The following PIGV variants were observed in gnomAD, a reference collection of about 807,000 sequenced individuals.
PIGV encodes GPI alpha-1,6-mannosyltransferase 2.
Under a neutral mutation model 39.2 loss-of-function variants are expected in PIGV, and 27 were observed. That is an observed-to-expected ratio of 0.69 (90% CI 0.51 to 0.95). The LOEUF is 0.95. PIGV is among the 40% of genes least tolerant of loss of function. The pLI is 0.00. For synonymous variants in PIGV, 232 were observed against 241.7 expected (o/e 0.96, Z 0.37); for missense variants, 523 against 586.4 (o/e 0.89, Z 1.12).
chr1:26,796,118 C>CT (rs1020817409), intron 3 of PIGV, among the ~76,000 whole-genome samples: 1 of 150,978 alleles, frequency 6.6e-6, no homozygotes, highest in African/African-American at 2.4e-5. Context: ...CCTCATCCTC[C>CT]TAAAGTGCTG....
chr1:26,795,388 G>T lies in PIGV; in HGVS notation c.1200+154G>T, dbSNP rs987863115. ...AGGGTTATTCTTTATGCCAGACTCT[G>T]GGTCAGACCTCTAAGGATGAAACAT... On this transcript the variant is annotated intron_variant, in intron 3 of 3. Coordinates refer to ENST00000674202, the MANE Select transcript of PIGV (RefSeq NM_017837.4). Among the ~76,000 whole-genome samples the T allele has an allele frequency of 3.9e-5, 6 of 152,056 alleles. No homozygotes were observed. In the East Asian group the frequency reaches 5.8e-4, roughly 15 times the overall value.
chr1:26,788,422 G>C (rs992104204), intron 1 of PIGV, 154 bp downstream of exon 1: 1 of 152,362 alleles, frequency 6.6e-6, no homozygotes, highest in South Asian at 2.1e-4. Flanking sequence ...AGCCTGCGCA[G>C]GGGGTGTTAG....
At chr1:26,797,359 T>C (rs1177083857) in intron 3 of PIGV, among the ~76,000 whole-genome samples, 1 of 152,220 alleles carries the variant, frequency 6.6e-6, no homozygotes, top group East Asian at 1.9e-4. Flanking sequence ...GCTATGTTTA[T>C]TTGTAATATG....
At position 26,791,979 on chromosome 1, in the gene PIGV, A is replaced by C. The variant is rs56230251; in HGVS notation, c.78+1086A>C. ...AGCATCCAGGATAGGGAACCAGGAC[A>C]GCTGGGCTCTAATTCGGGTGGTAAT... On this transcript the variant is annotated intron_variant, in intron 2 of 3. Transcript: ENST00000674202. Among the ~76,000 whole-genome samples the C allele has an allele frequency of 4.0e-3, 612 of 152,352 alleles. 4 individuals carry two copies. Among genetic ancestry groups the C allele is most frequent in the Middle Eastern group, 0.01 (3 of 294 alleles).
chr1:26,796,997 T>C (rs916204162), intron 3 of PIGV, among the ~76,000 whole-genome samples: 1 of 152,252 alleles, frequency 6.6e-6, no homozygotes, highest in Non-Finnish European at 1.5e-5. Context: ...TTCTCCAAGC[T>C]GTATGGATAA....
rs1244401829 is a variant in PIGV, at chr1:26,800,196, G to T, written c.*2352G>T. Among the ~76,000 whole-genome samples the T allele has an allele frequency of 6.6e-6, 1 of 151,664 alleles. No individual in the cohort carries two copies. Among genetic ancestry groups the T allele is most frequent in the Non-Finnish European group, 1.5e-5 (1 of 67,956 alleles). On this transcript the variant is annotated 3_prime_UTR_variant, in exon 4 of 4. Coordinates refer to ENST00000674202, the MANE Select transcript of PIGV (RefSeq NM_017837.4). The stretch of plus-strand genomic sequence containing the variant: ...TCTCTGACCTTGCAGGGATTTAGTT[G>T]TTCTCTAAGGAGCTAAGGAATGGGC...
Position 26,797,736 on chromosome 1 carries a change from G to C in PIGV, c.1374G>C (p.Leu458Phe). The C allele has an allele frequency of 6.2e-7, 1 of 1,614,054 alleles. No homozygotes were observed. The highest frequency in any genetic ancestry group is 8.5e-7 in the Non-Finnish European group (1 of 1,179,968). ...KVPRNPIMGL[L>F]YHWKTCSPVT... Reference sequence around the variant, plus strand: ...CCAGAAATCCTATCATGGGACTTTTGTATCACTGGAAAACCTGTTCTCCAG... The same window carrying C: ...CCAGAAATCCTATCATGGGACTTTTCTATCACTGGAAAACCTGTTCTCCAG... Residue 458 changes from leucine to phenylalanine, a missense_variant, in exon 4 of 4, where the codon TTG (leucine) becomes TTC (phenylalanine). By Grantham distance (22) the Leu-to-Phe change is conservative. Transcript: ENST00000674202.
chr1:26,787,816 T>C (rs952102888), upstream of PIGV: 2 of 152,184 alleles, frequency 1.3e-5, no homozygotes, highest in Admixed American at 6.5e-5. Context: ...GGTGGGAAGG[T>C]GCTACGAGGC....
rs1570644661 is a variant in PIGV, at chr1:26,795,119, A to G, written c.1085A>G (p.Lys362Arg). Residue 362 changes from lysine (K) to arginine (R), a missense_variant, in exon 3 of 4, where the codon AAG becomes AGG. Transcript: ENST00000674202. The stretch of plus-strand genomic sequence containing the variant: ...CTTACACTTGGGCTGCAAAGGAGCA[A>G]GAACAATAAGACCCTAGAGAAGCCC... Reference protein sequence around the residue: ...LCLTLGLQRSKNNKTLEKPDL... With the variant: ...LCLTLGLQRSRNNKTLEKPDL... 2 of 1,614,152 alleles carry G rather than the reference A, an allele frequency of 1.2e-6. No individual in the cohort carries two copies. Among genetic ancestry groups the G allele is most frequent in the East Asian group, 2.2e-5 (1 of 44,874 alleles).
intron 2 of PIGV, among the ~76,000 whole-genome samples, chr1:26,792,094 G>A (rs2124185294): frequency 6.6e-6 from 1 of 152,290 alleles, no homozygotes; most frequent in Non-Finnish European, 1.5e-5. Flanking sequence ...GTGCTAGGTG[G>A]TAAGTGTAAA....
chr1:26,789,933 C>G (rs2081289274), intron 1 of PIGV, among the ~76,000 whole-genome samples: 1 of 152,156 alleles, frequency 6.6e-6, no homozygotes, highest in South Asian at 2.1e-4. Context: ...CCTTTTAGCT[C>G]AAGGAATTAT....
Position 26,794,872 on chromosome 1 carries a change from G to T in PIGV, c.838G>T (p.Ala280Ser). The T allele has an allele frequency of 1.2e-6, 2 of 1,614,184 alleles. No individual in the cohort carries two copies. The highest frequency in any genetic ancestry group is 4.5e-5 in the East Asian group (2 of 44,886). ...RPIPEPLVQL[A>S]VDKGYRIAEG... is the part of the protein sequence containing the mutation. The stretch of plus-strand genomic sequence containing the variant: ...CATTCCTGAGCCTTTGGTACAGTTA[G>T]CTGTAGACAAGGGCTACCGGATTGC... Residue 280 changes from alanine to serine, a missense_variant, in exon 3 of 4, where the codon GCT (alanine) becomes TCT (serine). Ala to Ser is a moderately conservative substitution (Grantham distance 99, BLOSUM62 1). Transcript: ENST00000674202.
chr1:26,800,175 T>C lies in PIGV; in HGVS notation c.*2331T>C, dbSNP rs2081434365. ...CATGAGCTGGACAAGGTTTTCTCTC[T>C]GACCTTGCAGGGATTTAGTTGTTCT... is the stretch of plus-strand genomic sequence containing the variant. On this transcript the variant is annotated 3_prime_UTR_variant, in exon 4 of 4. Coordinates refer to ENST00000674202, the MANE Select transcript of PIGV (RefSeq NM_017837.4). Among the ~76,000 whole-genome samples the C allele has an allele frequency of 6.6e-6, 1 of 151,878 alleles. No homozygotes were observed. Among genetic ancestry groups the C allele is most frequent in the Non-Finnish European group, 1.5e-5 (1 of 67,996 alleles).
At chr1:26,790,677 TGA>T in intron 1 of PIGV, 80 bp from the exon 2 acceptor site, 3 of 695,072 alleles carry the variant, frequency 4.3e-6, no homozygotes, top group Non-Finnish European at 5.1e-6. Context: ...ATAGTAATTC[TGA>T]GAGGGGAGGT....
chr1:26,795,247 C>T lies in PIGV; in HGVS notation c.1200+13C>T, dbSNP rs574830374. On this transcript the variant is annotated intron_variant, in intron 3 of 3. Transcript: ENST00000674202. ...CATGCATGTTCAGGTGAGGTGGATT[C>T]CTGACTGGGATAAGGATGTGAATAC... 9.9e-5 allele frequency: 159 copies of T among 1,613,310 alleles called. 1 individual carries two copies. In the South Asian group the frequency reaches 1.7e-3, roughly 17 times the overall value.
chr1:26,799,802 CGAT>C lies in PIGV; in HGVS notation c.*1962_*1964del, dbSNP rs1218599986. 6.6e-6 allele frequency among the ~76,000 whole-genome samples: 1 copy of C among 152,206 alleles called. No homozygotes were observed. Among genetic ancestry groups the C allele is most frequent in the Non-Finnish European group, 1.5e-5 (1 of 68,036 alleles). ...GACACCAAGTGCCCTTCTTGGCAAA[CGAT>C]GATCACCCCTGCCCTAGTGTCCCTC... On this transcript the variant is annotated 3_prime_UTR_variant, in exon 4 of 4. Coordinates refer to ENST00000674202, the MANE Select transcript of PIGV (RefSeq NM_017837.4).
chr1:26,793,399 C>G (rs952351988), intron 2 of PIGV, among the ~76,000 whole-genome samples: 3 of 152,196 alleles, frequency 2.0e-5, no homozygotes, highest in African/African-American at 7.2e-5. Flanking sequence ...ATTGTTAAAT[C>G]CAGTGGTCAG....
intron 1 of PIGV, among the ~76,000 whole-genome samples, chr1:26,790,035 A>G (rs2081290557): frequency 6.6e-6 from 1 of 152,224 alleles, no homozygotes; most frequent in Non-Finnish European, 1.5e-5. Flanking sequence ...GGCAAATAAC[A>G]GTTTTCTCCA....
intron 3 of PIGV, among the ~76,000 whole-genome samples, chr1:26,796,966 G>A (rs1270345271): frequency 6.6e-6 from 1 of 152,222 alleles, no homozygotes; most frequent in East Asian, 1.9e-4. Context: ...TGTTGGAGTT[G>A]CACATTGGCT....
Sources: allele counts gnomAD v4.1 joint callset (sites outside exome capture counted in the v4.1 genomes callset), GRCh38; gene constraint gnomAD v4.1.1; transcripts MANE v1.5; gene names NCBI Gene and HGNC (gene_info 2026-07-23, HGNC 2026-07-21).